Variants in AGA observed in about 807,000 individuals in gnomAD.
AGA encodes aspartylglucosaminidase.
Under a neutral mutation model 40.1 loss-of-function variants are expected in AGA, and 31 were observed. That is an observed-to-expected ratio of 0.77 (90% CI 0.58 to 1.04). The LOEUF (loss-of-function observed/expected upper bound fraction) is 1.04, where lower values mean the gene tolerates loss of function less well. Ranked by LOEUF, AGA falls within the 50% of genes least tolerant of loss-of-function variation. The probability of loss-of-function intolerance (pLI) is 0.00; values close to 1 mark genes in which losing one functional copy is unlikely to be tolerated. For missense variants in AGA, 445 were observed against 435.4 expected (o/e 1.02, Z -0.20); for synonymous variants, 148 against 144.0 (o/e 1.03, Z -0.20).
intron 6 of AGA, among the ~76,000 whole-genome samples, chr4:177,435,849 ACG>A (rs1473256574): frequency 0.015 from 114 of 7,428 alleles, 1 homozygote; most frequent in African/African-American, 0.019. Flanking sequence ...TTCTGCGTGC[ACG>A]CACACACACA....
chr4:177,431,843 T>C, intron 8 of AGA, 35 bp from the exon 9 acceptor site: 1 of 1,531,982 alleles, frequency 6.5e-7, no homozygotes, highest in East Asian at 2.3e-5. Context: ...TTTGGTGAAC[T>C]ATAGGATGCA....
At chr4:177,440,136 G>C (rs1246066966) in intron 2 of AGA, 137 bp downstream of exon 2, 6 of 1,048,898 alleles carry the variant, frequency 5.7e-6, no homozygotes, top group South Asian at 5.3e-5. Flanking sequence ...GGGAAACTGT[G>C]TTTAGAAAGG....
rs767103696 is a variant in AGA, at chr4:177,431,764, T to C, written c.985A>G (p.Met329Val). 12 of 1,613,780 alleles carry C rather than the reference T, an allele frequency of 7.4e-6. No individual in the cohort carries two copies. In the Admixed American group the frequency reaches 8.3e-5, roughly 11 times the overall value. The change falls in exon 9 of 9, where the codon ATG (methionine) becomes GTG (valine). Residue 329 changes from methionine (M) to valine (V), a missense_variant. Met to Val is a conservative substitution (Grantham distance 21). Coordinates refer to ENST00000264595, the MANE Select transcript of AGA (RefSeq NM_000027.4). ...KLSTFTQFSF[M>V]VYNSEKNQPT... ...TGATTTTTTTCGGAATTATAAACCA[T>C]GAAACTAAACTGAGTAAATGTTGAA...
At chr4:177,438,257 A>G (rs1475682890) in intron 4 of AGA, among the ~76,000 whole-genome samples, 1 of 152,198 alleles carries the variant, frequency 6.6e-6, no homozygotes, top group East Asian at 1.9e-4. Context: ...ATCCCACAGA[A>G]GGACCCTGTA....
Position 177,440,292 on chromosome 4 carries a change from C to T in AGA, c.262G>A (p.Asp88Asn). The change falls in exon 2 of 9, where the codon GAT becomes AAT. Residue 88 changes from aspartate (D) to asparagine (N), a missense_variant. Coordinates refer to ENST00000264595, the MANE Select transcript of AGA (RefSeq NM_000027.4). ...TCTTACCCATCCATGATCATGGCAT[C>T]TAGTGTGGTTTCTCCAAGTTCATCA... is the stretch of plus-strand genomic sequence containing the variant. ...SPDELGETTL[D>N]AMIMDGTTMD... 6.2e-7 allele frequency: 1 copy of T among 1,613,978 alleles called. No homozygotes were observed. The highest frequency in any genetic ancestry group is 1.1e-5 in the South Asian group (1 of 91,058).
intron 1 of AGA, 78 bp downstream of exon 1, chr4:177,442,171 A>T: frequency 6.3e-7 from 1 of 1,589,300 alleles, no homozygotes; most frequent in Non-Finnish European, 8.6e-7. Context: ...CTGCCGGGTG[A>T]CTGCAGCGGG....
chr4:177,434,249 T>C lies in AGA; in HGVS notation c.806+133A>G, dbSNP rs1736722331. On this transcript the variant is annotated intron_variant, in intron 7 of 8. Coordinates refer to ENST00000264595, the MANE Select transcript of AGA (RefSeq NM_000027.4). ...AACTCCTGACCTCAGGTGATCCACCTGCCTCAGTCTCCCAAAATGCTAGGA... is the reference window on the plus strand; with the variant it reads ...AACTCCTGACCTCAGGTGATCCACCCGCCTCAGTCTCCCAAAATGCTAGGA... 1.6e-5 allele frequency: 13 copies of C among 805,722 alleles called. No individual in the cohort carries two copies. In the South Asian group the frequency reaches 1.9e-4, roughly 11 times the overall value. The allele number at this position is 805,722 out of a possible 1,614,324, so 49.9% of individuals were successfully genotyped here.
At chr4:177,438,502 C>A (rs1418278644) in intron 4 of AGA, among the ~76,000 whole-genome samples, 2 of 152,152 alleles carry the variant, frequency 1.3e-5, no homozygotes, top group Admixed American at 1.3e-4. Flanking sequence ...CTCCACATGG[C>A]AGAAACTTCA....
In AGA at chr4:177,442,428, C is replaced by G. The variant is rs1737072038; in HGVS notation, c.-53G>C. 6.2e-7 allele frequency: 1 copy of G among 1,612,756 alleles called. No homozygotes were observed. The highest frequency in any genetic ancestry group is 8.5e-7 in the Non-Finnish European group (1 of 1,179,414). On this transcript the variant is annotated 5_prime_UTR_variant, in exon 1 of 9. Transcript: ENST00000264595. The stretch of plus-strand genomic sequence containing the variant: ...GAAAAGTCCCGGCAGCCAGCGATCG[C>G]CGAACAATTAATCCCCAGTGCCCCG...
intron 2 of AGA, 186 bp downstream of exon 2, chr4:177,440,087 G>A (rs1736945746): frequency 1.5e-6 from 1 of 681,854 alleles, no homozygotes; most frequent in African/African-American, 1.8e-5. Flanking sequence ...CTCTCCATGT[G>A]ATATTTCTAT....
intron 7 of AGA, 91 bp downstream of exon 7, chr4:177,434,291 C>T: frequency 4.9e-6 from 6 of 1,230,088 alleles, no homozygotes; most frequent in Non-Finnish European, 7.2e-6. Flanking sequence ...TCGTGAGCCA[C>T]TGCACCCAGC....
rs34097231 is a variant in AGA at position 177,435,076 on chromosome 4, AT to A, written c.699-588del. 7.1e-4 allele frequency among the ~76,000 whole-genome samples: 104 copies of A among 146,042 alleles called. No homozygotes were observed. The South Asian group carries it at 8.1e-3, about 11-fold the overall frequency. On this transcript the variant is annotated intron_variant, in intron 6 of 8. Transcript: ENST00000264595. ...CCACCAAGCTCAGCTAATTTTTTGT[AT>A]TTTTTTTTTTTTCAGTAGAGACTGG...
chr4:177,442,186 G>A, intron 1 of AGA, 63 bp downstream of exon 1: 1 of 1,602,954 alleles, frequency 6.2e-7, no homozygotes, highest in Non-Finnish European at 8.5e-7. Context: ...AGCGGGGCGG[G>A]CTAGTCATCC....
In AGA at chr4:177,437,004, GCA is replaced by G. The variant is rs1347650454; in HGVS notation, c.622+399_622+400del. 4.1e-5 allele frequency: 10 copies of G among 243,036 alleles called. No individual in the cohort carries two copies. The Admixed American group carries it at 4.2e-4, about 10-fold the overall frequency. 15.1% of individuals were successfully genotyped at this position (243,036 alleles called of 1,614,324 possible). ...ACTTCTCAGGCTCCAGAACTGTGAG[GCA>G]AATAAACTTTTGTTTATAAATTACC... On this transcript the variant is annotated intron_variant, in intron 5 of 8. Coordinates refer to ENST00000264595, the MANE Select transcript of AGA (RefSeq NM_000027.4).
chr4:177,442,351 C>G lies in AGA; in HGVS notation c.25G>C (p.Val9Leu). The change falls in exon 1 of 9, where the codon GTG becomes CTG. Residue 9 changes from valine (V) to leucine (L), a missense_variant. Physicochemically the swap from Val to Leu is conservative, Grantham distance 32. Coordinates refer to ENST00000264595, the MANE Select transcript of AGA (RefSeq NM_000027.4). ...CAGAGCAGAAACGGCACGAGAAGCACAGGCAAGTTCGACTTCCGCGCCATC... is the reference window on the plus strand; with the variant it reads ...CAGAGCAGAAACGGCACGAGAAGCAGAGGCAAGTTCGACTTCCGCGCCATC... MARKSNLP[V>L]LLVPFLLCQA... The G allele has an allele frequency of 6.2e-7, 1 of 1,614,110 alleles. No individual in the cohort carries two copies. Among genetic ancestry groups the G allele is most frequent in the Non-Finnish European group, 8.5e-7 (1 of 1,179,962 alleles).
rs2111003345 is a variant in AGA, at chr4:177,431,165, A to G, written c.*543T>C. 2.3e-6 allele frequency: 1 copy of G among 440,412 alleles called. No individual in the cohort carries two copies. Among genetic ancestry groups the G allele is most frequent in the African/African-American group, 2.0e-5 (1 of 49,254 alleles). The allele number at this position is 440,412 out of a possible 1,614,324, so 27.3% of individuals were successfully genotyped here. A position where few individuals can be genotyped will look rare whatever the true frequency, so the allele number is the denominator to read the frequency against. On this transcript the variant is annotated 3_prime_UTR_variant, in exon 9 of 9. Transcript: ENST00000264595. ...TCAGAAGATAGCTGTATTTTCTAGT[A>G]TGTACAAAACAAAGAGTATCTCATG...
At chr4:177,435,858 C>T (rs1392305881) in intron 6 of AGA, among the ~76,000 whole-genome samples, 1 of 150,064 alleles carries the variant, frequency 6.7e-6, no homozygotes, top group African/African-American at 2.4e-5. Context: ...CACGCACACA[C>T]ACACACACAC....
At chr4:177,441,415 A>G (rs1404309677) in intron 1 of AGA, among the ~76,000 whole-genome samples, 1 of 151,972 alleles carries the variant, frequency 6.6e-6, no homozygotes, top group Non-Finnish European at 1.5e-5. Context: ...TCTGAAAATG[A>G]CTCTTCTGGT....
chr4:177,431,087 C>G lies in AGA; in HGVS notation c.*621G>C, dbSNP rs1052129470. The G allele has an allele frequency of 2.2e-6, 1 of 453,220 alleles. No homozygotes were observed. The highest frequency in any genetic ancestry group is 4.4e-6 in the Non-Finnish European group (1 of 226,404). 28.1% of individuals were successfully genotyped at this position (453,220 alleles called of 1,614,324 possible). A position where few individuals can be genotyped will look rare whatever the true frequency, so the allele number is the denominator to read the frequency against. On this transcript the variant is annotated 3_prime_UTR_variant, in exon 9 of 9. Coordinates refer to ENST00000264595, the MANE Select transcript of AGA (RefSeq NM_000027.4). ...TTCTTGTGGCTTTAGAACTTTCACA[C>G]ACTGAGAGCTCCATAAGAGGAAAAA...
Sources: allele counts gnomAD v4.1 joint callset (sites outside exome capture counted in the v4.1 genomes callset), GRCh38; gene constraint gnomAD v4.1.1; transcripts MANE v1.5; gene names NCBI Gene and HGNC (gene_info 2026-07-23, HGNC 2026-07-21).